The following TENM1 variants were observed in gnomAD, a reference collection of about 807,000 sequenced individuals.
TENM1 encodes the protein teneurin transmembrane protein 1.
In TENM1, 35 loss-of-function variants were observed where a neutral mutation model predicts 174.8. The ratio of observed to expected loss-of-function variants is 0.20; its 90% CI spans 0.15 to 0.27. TENM1 has a LOEUF of 0.27. Among genes scored for constraint, TENM1 ranks in the 10% least tolerant of loss-of-function variants. The pLI, the probability that TENM1 is intolerant of heterozygous loss-of-function variation, is 1.00. For synonymous variants in TENM1, 781 were observed against 798.7 expected, an observed-to-expected ratio of 0.98 and a Z score of 0.37; for missense variants, 1,633 against 2,130.1, an observed-to-expected ratio of 0.77 and a Z score of 4.59.
the TENM1 span, among the ~76,000 whole-genome samples, chrX:125,003,125 GC>G: frequency 9.0e-6 from 1 of 111,592 alleles, no homozygotes; most frequent in Non-Finnish European, 1.9e-5. Flanking sequence ...ATTAGAAATG[GC>G]CATGGTCTCT....
chrX:124,584,989 T>C (rs1294215676), intron 11 of TENM1, among the ~76,000 whole-genome samples: 1 of 109,817 alleles, frequency 9.1e-6, no homozygotes, highest in Non-Finnish European at 1.9e-5. Flanking sequence ...GGGCTAACTA[T>C]CCTAAATATA....
At chrX:124,826,090 G>T (rs2056153726) in intron 3 of TENM1, among the ~76,000 whole-genome samples, 1 of 111,599 alleles carries the variant, frequency 9.0e-6, no homozygotes, top group African/African-American at 3.3e-5. Flanking sequence ...TGTAGGCAAA[G>T]ATACATGCAA....
the TENM1 span, among the ~76,000 whole-genome samples, chrX:125,000,326 A>G: frequency 2.7e-5 from 3 of 111,745 alleles, no homozygotes; most frequent in African/African-American, 9.7e-5. Context: ...TAGAGCAAGT[A>G]AAATATAGAA....
intron 11 of TENM1, among the ~76,000 whole-genome samples, chrX:124,592,073 T>C (rs1444776669): frequency 8.9e-6 from 1 of 112,457 alleles, no homozygotes; most frequent in Non-Finnish European, 1.9e-5. Context: ...TTGAGTGTGT[T>C]TTCAATTCCA....
chrX:125,103,930 C>T, the TENM1 span, among the ~76,000 whole-genome samples: 1 of 111,865 alleles, frequency 8.9e-6, no homozygotes, highest in South Asian at 3.8e-4. Flanking sequence ...GCGGAGGTTG[C>T]AGTGAACTGA....
chrX:124,388,616 CTT>C (rs2060249829), intron 28 of TENM1, among the ~76,000 whole-genome samples: 1 of 112,483 alleles, frequency 8.9e-6, no homozygotes, highest in Non-Finnish European at 1.9e-5. Context: ...GAGTGGGAGA[CTT>C]TTATTCTTTT....
At chrX:125,173,583 G>A in the TENM1 span, among the ~76,000 whole-genome samples, 1 of 111,219 alleles carries the variant, frequency 9.0e-6, no homozygotes, top group South Asian at 3.8e-4. Flanking sequence ...TGCCCTGATT[G>A]TCCTTTTAAA....
the TENM1 span, among the ~76,000 whole-genome samples, chrX:125,035,202 A>G: frequency 4.5e-5 from 5 of 111,346 alleles, no homozygotes; most frequent in African/African-American, 1.3e-4. Context: ...CATAAAGGCC[A>G]GTGCTGGTCT....
At chrX:124,525,187 G>GT (rs2047946355) in intron 16 of TENM1, among the ~76,000 whole-genome samples, 1 of 112,236 alleles carries the variant, frequency 8.9e-6, no homozygotes, top group African/African-American at 3.2e-5. Context: ...ATAATACCGT[G>GT]TTTTTTATTG....
chrX:124,842,693 C>T lies in TENM1; in HGVS notation c.535+51603G>A, dbSNP rs761134476. 6.9e-3 allele frequency among the ~76,000 whole-genome samples: 758 copies of T among 110,086 alleles called. 5 individuals carry two copies. The highest frequency in any genetic ancestry group is 0.024 in the African/African-American group (723 of 30,241). On this transcript the variant is annotated intron_variant, in intron 3 of 31. Transcript: ENST00000422452. The stretch of plus-strand genomic sequence containing the variant: ...TCTGGTGTCCCTTTTTATAGGGATA[C>T]GAATTCCATCATGAGGGCCATACCA...
intron 3 of TENM1, among the ~76,000 whole-genome samples, chrX:124,799,477 T>A (rs934689184): frequency 4.5e-5 from 5 of 111,441 alleles, no homozygotes; most frequent in African/African-American, 1.6e-4. Context: ...AGTTTATTCA[T>A]GATTTGACTC....
the TENM1 span, among the ~76,000 whole-genome samples, chrX:125,185,586 C>T: frequency 8.9e-6 from 1 of 112,487 alleles, no homozygotes; most frequent in Non-Finnish European, 1.9e-5. Flanking sequence ...ATTCTTTTCA[C>T]ATTATGTAGC....
At chrX:124,673,559 T>C (rs769900494) in intron 5 of TENM1, among the ~76,000 whole-genome samples, 4 of 111,761 alleles carry the variant, frequency 3.6e-5, no homozygotes, top group African/African-American at 6.5e-5. Flanking sequence ...AATAAATCAA[T>C]TGGGATGGCA....
intron 3 of TENM1, among the ~76,000 whole-genome samples, chrX:124,859,286 T>C (rs1168216215): frequency 9.0e-6 from 1 of 110,941 alleles, no homozygotes; most frequent in Non-Finnish European, 1.9e-5. Flanking sequence ...GGCTCAAGCC[T>C]GTAATCCCAG....
At chrX:125,054,423 G>A in the TENM1 span, among the ~76,000 whole-genome samples, 2 of 110,376 alleles carry the variant, frequency 1.8e-5, no homozygotes, top group African/African-American at 6.6e-5. Context: ...GTGTGAGAAC[G>A]GATTAACACA....
chrX:124,831,330 G>A (rs890536671), intron 3 of TENM1, among the ~76,000 whole-genome samples: 1 of 111,496 alleles, frequency 9.0e-6, no homozygotes, highest in African/African-American at 3.3e-5. Context: ...AGCATCCCAC[G>A]GGCTGCACTA....
the TENM1 span, among the ~76,000 whole-genome samples, chrX:125,153,826 C>A: frequency 8.9e-6 from 1 of 112,400 alleles, no homozygotes; most frequent in Non-Finnish European, 1.9e-5. Flanking sequence ...CGTTTCCCAG[C>A]AATGACACAG....
chrX:124,505,419 T>A (rs1351904134), intron 18 of TENM1, among the ~76,000 whole-genome samples: 1 of 111,751 alleles, frequency 8.9e-6, no homozygotes, highest in East Asian at 2.8e-4. Context: ...ATCTCAAAGG[T>A]AATCTAGTTC....
chrX:124,781,184 A>C (rs1190356927), intron 3 of TENM1, among the ~76,000 whole-genome samples: 1 of 111,801 alleles, frequency 8.9e-6, no homozygotes, highest in African/African-American at 3.2e-5. Flanking sequence ...TATTCAACAA[A>C]TATTACTTGA....
Sources: gnomAD v4.1 joint callset for allele counts (sites outside exome capture counted in the v4.1 genomes callset) on GRCh38, gnomAD v4.1.1 for gene constraint, MANE v1.5 for transcripts, NCBI Gene and HGNC (gene_info 2026-07-23, HGNC 2026-07-21) for gene names.